PDE4D: variants seen among roughly 807,000 people sequenced by gnomAD.
The protein encoded by PDE4D is 3',5'-cyclic-AMP phosphodiesterase 4D.
In PDE4D, 24 loss-of-function variants were observed where a neutral mutation model predicts 87.4. The ratio of observed to expected loss-of-function variants is 0.27; its 90% CI spans 0.20 to 0.39. The LOEUF (loss-of-function observed/expected upper bound fraction) is 0.39, where lower values mean the gene tolerates loss of function less well. PDE4D is among the 10% of genes least tolerant of loss of function. PDE4D has a pLI of 1.00. For synonymous variants in PDE4D, 384 were observed against 383.2 expected, an observed-to-expected ratio of 1.00 and a Z score of -0.02; for missense variants, 714 against 1,041.0, an observed-to-expected ratio of 0.69 and a Z score of 4.32.
chr5:60,086,240 A>G (rs1399202060), intron 2 of PDE4D, among the ~76,000 whole-genome samples: 1 of 152,204 alleles, frequency 6.6e-6, no homozygotes, highest in Non-Finnish European at 1.5e-5. Flanking sequence ...TTTTCCAATA[A>G]GATTGAATAT....
intron 2 of PDE4D, among the ~76,000 whole-genome samples, chr5:60,156,743 T>C (rs1159666707): frequency 1.3e-5 from 2 of 152,176 alleles, no homozygotes. Context: ...TTTTTCTATG[T>C]ATGCTTTTAA....
At chr5:59,535,934 T>C (rs1815128759) in intron 1 of PDE4D, among the ~76,000 whole-genome samples, 1 of 152,198 alleles carries the variant, frequency 6.6e-6, no homozygotes. Flanking sequence ...ATTCTGGAAA[T>C]GCCTGAAAAA....
chr5:59,915,878 T>C (rs1187864621), intron 3 of PDE4D, among the ~76,000 whole-genome samples: 1 of 152,234 alleles, frequency 6.6e-6, no homozygotes, highest in Non-Finnish European at 1.5e-5. Context: ...GGTTCTCTTG[T>C]ACATAATCCT....
chr5:60,464,352 A>G (rs1747183480), intron 1 of PDE4D, among the ~76,000 whole-genome samples: 1 of 152,250 alleles, frequency 6.6e-6, no homozygotes, highest in Non-Finnish European at 1.5e-5. Context: ...AATTAATAAA[A>G]TAAGTAAAAT....
At chr5:60,147,750 G>A (rs1280858229) in intron 2 of PDE4D, 3 of 455,468 alleles carry the variant, frequency 6.6e-6, no homozygotes, top group Non-Finnish European at 1.3e-5. Flanking sequence ...TCACTCACAT[G>A]GTTGTTGACT....
At chr5:59,495,053 G>C (rs995759522) in intron 1 of PDE4D, among the ~76,000 whole-genome samples, 1 of 152,100 alleles carries the variant, frequency 6.6e-6, no homozygotes, top group South Asian at 2.1e-4. Flanking sequence ...GTTTGGCCTT[G>C]ACTTCCCCAC....
intron 1 of PDE4D, among the ~76,000 whole-genome samples, chr5:59,429,529 T>C (rs773941233): frequency 4.6e-5 from 7 of 152,162 alleles, no homozygotes; most frequent in African/African-American, 7.2e-5. Context: ...AAGATAGTAA[T>C]GACAGTTTCC....
At chr5:60,479,298 C>T (rs1238910731) in intron 1 of PDE4D, among the ~76,000 whole-genome samples, 3 of 152,264 alleles carry the variant, frequency 2.0e-5, no homozygotes, top group African/African-American at 7.2e-5. Flanking sequence ...TATAATTTTG[C>T]ATCATGTTAT....
chr5:59,061,700 A>G (rs962924125), intron 5 of PDE4D, among the ~76,000 whole-genome samples: 2 of 152,116 alleles, frequency 1.3e-5, no homozygotes, highest in Non-Finnish European at 2.9e-5. Context: ...AATAGATAGA[A>G]ATGCTGTTAA....
At chr5:59,734,577 G>A (rs939726510) in intron 1 of PDE4D, among the ~76,000 whole-genome samples, 3 of 151,938 alleles carry the variant, frequency 2.0e-5, no homozygotes, top group African/African-American at 7.2e-5. Flanking sequence ...AAGTAAAGTG[G>A]GTTTTTTTGG....
chr5:59,422,443 T>TGAAA (rs1794622966), intron 1 of PDE4D, among the ~76,000 whole-genome samples: 1 of 152,182 alleles, frequency 6.6e-6, no homozygotes, highest in Non-Finnish European at 1.5e-5. Flanking sequence ...CTTTTGCCTT[T>TGAAA]GAAAGGTGCC....
chr5:60,388,920 G>A (rs1024198937), intron 1 of PDE4D, among the ~76,000 whole-genome samples: 2 of 152,068 alleles, frequency 1.3e-5, no homozygotes, highest in African/African-American at 4.8e-5. Context: ...TATTCATTGT[G>A]TACCTCTTAT....
chr5:59,941,619 C>T (rs555682720), intron 3 of PDE4D, among the ~76,000 whole-genome samples: 1 of 152,270 alleles, frequency 6.6e-6, no homozygotes, highest in South Asian at 2.1e-4. Flanking sequence ...TGGATTATTG[C>T]CCCCGCCACC....
chr5:59,832,511 CT>C (rs1431130242), intron 1 of PDE4D, among the ~76,000 whole-genome samples: 1 of 152,150 alleles, frequency 6.6e-6, no homozygotes, highest in African/African-American at 2.4e-5. Flanking sequence ...GCAATGGCCA[CT>C]TTTTTCATAA....
intron 5 of PDE4D, among the ~76,000 whole-genome samples, chr5:59,055,379 T>G (rs1208289578): frequency 1.7e-4 from 26 of 152,180 alleles, no homozygotes; most frequent in Non-Finnish European, 1.5e-5. Flanking sequence ...TTAATGCCTT[T>G]AGGTCTTCCC....
At chr5:59,519,277 A>G (rs1811755009) in intron 1 of PDE4D, among the ~76,000 whole-genome samples, 1 of 152,264 alleles carries the variant, frequency 6.6e-6, no homozygotes, top group Non-Finnish European at 1.5e-5. Context: ...GGATGAAAGC[A>G]GTCAATAAAC....
intron 1 of PDE4D, among the ~76,000 whole-genome samples, chr5:59,432,249 C>T (rs1429070511): frequency 6.9e-6 from 1 of 144,808 alleles, no homozygotes; most frequent in East Asian, 2.0e-4. Flanking sequence ...TGGGCTCATA[C>T]TATGTATAAT....
chr5:59,489,445 A>T (rs1163979391), intron 1 of PDE4D, among the ~76,000 whole-genome samples: 2 of 152,150 alleles, frequency 1.3e-5, no homozygotes, highest in South Asian at 4.2e-4. Flanking sequence ...ATTAAATGAG[A>T]TTTAAGGTGA....
chr5:59,661,839 G>A (rs186187775), intron 1 of PDE4D, among the ~76,000 whole-genome samples: 199 of 152,306 alleles, frequency 1.3e-3, no homozygotes, highest in African/African-American at 4.6e-3. Flanking sequence ...TAAAGCTGTG[G>A]CTGGGGATAG....
Sources: gnomAD v4.1 joint callset for allele counts (sites outside exome capture counted in the v4.1 genomes callset) on GRCh38, gnomAD v4.1.1 for gene constraint, MANE v1.5 for transcripts, NCBI Gene and HGNC (gene_info 2026-07-23, HGNC 2026-07-21) for gene names.